Variants in TIPIN observed in about 807,000 individuals in gnomAD.
The protein encoded by TIPIN is TIMELESS-interacting protein.
A neutral mutation model predicts 35.6 loss-of-function variants in TIPIN; 29 were observed. That is an observed-to-expected ratio of 0.82 (90% confidence interval 0.61 to 1.11). The LOEUF (loss-of-function observed/expected upper bound fraction) is 1.11, where lower values mean the gene tolerates loss of function less well. Among genes scored for constraint, TIPIN ranks in the 50% most tolerant of loss-of-function variants. TIPIN has a pLI of 0.00. For synonymous variants in TIPIN, 102 were observed against 121.5 expected, an observed-to-expected ratio of 0.84 and a Z score of 1.06; for missense variants, 296 against 345.4, an observed-to-expected ratio of 0.86 and a Z score of 1.13.
At chr15:66,372,971 T>A (rs1036771587) in intron 1 of TIPIN, among the ~76,000 whole-genome samples, 2 of 152,136 alleles carry the variant, frequency 1.3e-5, no homozygotes, top group African/African-American at 4.8e-5. Flanking sequence ...TACAGAAATA[T>A]CATTGTGCTG....
At position 66,336,922 on chromosome 15, in the gene TIPIN, G is replaced by T. The variant is rs778863781; in HGVS notation, c.*36C>A. 6.3e-7 allele frequency: 1 copy of T among 1,575,852 alleles called. No homozygotes were observed. Reference sequence around the variant, plus strand: ...CATAGTAACGCCAAGCTTGCAGGACGATGACTTAACAGATACATTTTCTCT... The same window carrying T: ...CATAGTAACGCCAAGCTTGCAGGACTATGACTTAACAGATACATTTTCTCT... On this transcript the variant is annotated 3_prime_UTR_variant, in exon 8 of 8. Coordinates refer to ENST00000261881, the MANE Select transcript of TIPIN (RefSeq NM_017858.3).
chr15:66,348,693 CAA>C (rs1314927149), intron 6 of TIPIN, among the ~76,000 whole-genome samples: 2 of 135,628 alleles, frequency 1.5e-5, no homozygotes, highest in Non-Finnish European at 1.6e-5. Flanking sequence ...GACTCCAGCT[CAA>C]AAAAAAAAAA....
chr15:66,375,388 G>A (rs188706244), intron 1 of TIPIN, among the ~76,000 whole-genome samples: 4 of 150,962 alleles, frequency 2.6e-5, no homozygotes, highest in Admixed American at 2.6e-4. Flanking sequence ...TGGCCCAGGT[G>A]GGTCTTGAAC....
chr15:66,356,844 T>C (rs2093207658), upstream of TIPIN: 2 of 453,642 alleles, frequency 4.4e-6, no homozygotes, highest in Non-Finnish European at 5.8e-6. Flanking sequence ...ATTTCCGCCC[T>C]ACTGAATTCT....
intron 4 of TIPIN, among the ~76,000 whole-genome samples, chr15:66,351,214 G>T (rs1385279811): frequency 2.0e-5 from 3 of 152,134 alleles, no homozygotes; most frequent in Non-Finnish European, 4.4e-5. Flanking sequence ...TTGCCCTCAT[G>T]AAATTTAAAA....
rs750843893 is a variant in TIPIN, at chr15:66,347,362, T to A, written c.475+1698A>T. On this transcript the variant is annotated intron_variant, in intron 6 of 7. Transcript: ENST00000261881. Reference sequence around the variant, plus strand: ...AGTCACAAAGGTCTCACTAAAGTCCTATATCCGAGAGCTGCGCTCCAAGTG... The same window carrying A: ...AGTCACAAAGGTCTCACTAAAGTCCAATATCCGAGAGCTGCGCTCCAAGTG... 3 of 484,444 alleles carry A rather than the reference T, an allele frequency of 6.2e-6. No homozygotes were observed. In the Admixed American group the frequency reaches 6.6e-5, roughly 11 times the overall value. 30.0% of individuals were successfully genotyped at this position (484,444 alleles called of 1,614,324 possible). A position where few individuals can be genotyped will look rare whatever the true frequency, so the allele number is the denominator to read the frequency against.
At chr15:66,367,715 C>A (rs2093262035) in intron 1 of TIPIN, among the ~76,000 whole-genome samples, 1 of 150,398 alleles carries the variant, frequency 6.6e-6, no homozygotes, top group Admixed American at 6.7e-5. Flanking sequence ...TAAATATAAT[C>A]ACTGTAAACA....
upstream of TIPIN, among the ~76,000 whole-genome samples, chr15:66,360,303 T>C (rs2093225515): frequency 6.6e-6 from 1 of 152,060 alleles, no homozygotes; most frequent in Non-Finnish European, 1.5e-5. Flanking sequence ...GTTTCACCCT[T>C]TCAGAAAATG....
At chr15:66,342,704 G>A (rs187393594) in intron 6 of TIPIN, among the ~76,000 whole-genome samples, 59 of 152,174 alleles carry the variant, frequency 3.9e-4, no homozygotes, top group Non-Finnish European at 7.6e-4. Flanking sequence ...CTTTTGTAGA[G>A]TTAAACACAG....
intron 7 of TIPIN, among the ~76,000 whole-genome samples, chr15:66,339,131 C>CAAAAAAAAAAAAAAAAAAAAAA (rs35065958): frequency 4.9e-5 from 1 of 20,594 alleles, no homozygotes; most frequent in Non-Finnish European, 7.0e-5. Context: ...GACTCCATCT[C>CAAAAAAAAAAAAAAAAAAAAAA]AAAAAAAAAA....
chr15:66,383,370 C>G (rs750737376), intron 1 of TIPIN: 8 of 153,916 alleles, frequency 5.2e-5, no homozygotes, highest in Non-Finnish European at 9.9e-5. Context: ...TCAAGTGATT[C>G]TCCAGCTTCA....
chr15:66,338,475 T>G (rs2093060809), intron 7 of TIPIN, among the ~76,000 whole-genome samples: 1 of 152,182 alleles, frequency 6.6e-6, no homozygotes, highest in African/African-American at 2.4e-5. Context: ...AATGCTATCT[T>G]CATGTAATGT....
At chr15:66,371,158 C>G in intron 1 of TIPIN, 2 of 872,036 alleles carry the variant, frequency 2.3e-6, no homozygotes, top group South Asian at 5.3e-5. Flanking sequence ...TTGCAGTGAG[C>G]TGAGATCTCG....
chr15:66,352,790 C>T (rs1353344110), intron 2 of TIPIN, 25 bp downstream of exon 2: 1 of 1,580,734 alleles, frequency 6.3e-7, no homozygotes. Context: ...CTCACAGCCT[C>T]CTTTTTAAAA....
chr15:66,359,154 A>AACACACACAC (rs538620517), upstream of TIPIN, among the ~76,000 whole-genome samples: 4 of 134,960 alleles, frequency 3.0e-5, no homozygotes. Flanking sequence ...CCTGTCTCAA[A>AACACACACAC]ACACACACAC....
chr15:66,344,061 A>G (rs2093106333), intron 6 of TIPIN, among the ~76,000 whole-genome samples: 1 of 152,168 alleles, frequency 6.6e-6, no homozygotes, highest in South Asian at 2.1e-4. Flanking sequence ...GGGTTGCAGG[A>G]TTCTAAATCA....
At chr15:66,354,912 T>A (rs2093193090) in intron 1 of TIPIN, among the ~76,000 whole-genome samples, 1 of 152,166 alleles carries the variant, frequency 6.6e-6, no homozygotes. Context: ...ATACAGTTAT[T>A]TATTGTTCGT....
At chr15:66,347,658 C>T (rs2140454631) in intron 6 of TIPIN, among the ~76,000 whole-genome samples, 1 of 152,282 alleles carries the variant, frequency 6.6e-6, no homozygotes, top group Non-Finnish European at 1.5e-5. Context: ...TCTCGGCTCA[C>T]TGCAACCTCC....
intron 1 of TIPIN, among the ~76,000 whole-genome samples, chr15:66,376,573 C>T (rs373367735): frequency 2.0e-5 from 3 of 151,514 alleles, no homozygotes; most frequent in Non-Finnish European, 4.4e-5. Flanking sequence ...GGATTACAGG[C>T]GTCTACCACC....
Sources: allele counts gnomAD v4.1 joint callset (sites outside exome capture counted in the v4.1 genomes callset), GRCh38; gene constraint gnomAD v4.1.1; transcripts MANE v1.5; gene names NCBI Gene and HGNC (gene_info 2026-07-23, HGNC 2026-07-21).